Variants in PPOX observed in about 807,000 individuals in gnomAD.
PPOX encodes protoporphyrinogen oxidase.
PPOX carries 23 observed loss-of-function variants against 54.1 expected under a neutral mutation model. The observed-to-expected ratio is 0.43, with a 90% confidence interval of 0.31 to 0.60. The LOEUF (loss-of-function observed/expected upper bound fraction) is 0.60. Ranked by LOEUF, PPOX falls within the 20% of genes least tolerant of loss-of-function variation. The probability of loss-of-function intolerance (pLI) is 0.13; values close to 1 mark genes in which losing one functional copy is unlikely to be tolerated. For synonymous variants in PPOX, 224 were observed against 236.1 expected (o/e 0.95, Z 0.47); for missense variants, 512 against 601.1 (o/e 0.85, Z 1.55).
At chr1:161,172,131 G>A (rs567814897), downstream of PPOX, 294 of 1,612,814 alleles carry the variant, frequency 1.8e-4, 2 homozygotes, top group South Asian at 2.9e-3. Context: ...GAAAGGAACA[G>A]CCAGAAATCT....
intron 2 of PPOX, 40 bp downstream of exon 2, chr1:161,166,974 G>T (rs745435689): frequency 6.2e-7 from 1 of 1,611,796 alleles, no homozygotes; most frequent in South Asian, 1.1e-5. Context: ...TTCATTTAAT[G>T]CTCTTCCCAT....
In PPOX at chr1:161,167,095, G is replaced by C. The variant is rs1465103103; in HGVS notation, c.88-5G>C. The C allele has an allele frequency of 1.9e-6, 3 of 1,614,038 alleles. No homozygotes were observed. In the South Asian group the frequency reaches 3.3e-5, roughly 18 times the overall value. On this transcript the variant is annotated splice_polypyrimidine_tract_variant and splice_region_variant and intron_variant, in intron 2 of 12. Transcript: ENST00000367999. ...TGCTGCAGTGTCTCTCCCTCTTGTC[G>C]CCAGGTGGTCCTAGTGGAGAGCAGT... is the stretch of plus-strand genomic sequence containing the variant.
rs371241187 is a variant in PPOX, at chr1:161,171,059, T to G, written c.1317T>G (p.Ala439=). The G allele has an allele frequency of 6.8e-5, 109 of 1,614,084 alleles. No individual in the cohort carries two copies. The highest frequency in any genetic ancestry group is 8.4e-5 in the Non-Finnish European group (99 of 1,180,048). ...KLESARQFLT[A]HRLPLTLAGA... ...AGTCAGCTAGGCAATTCCTGACTGCTCACAGGTTGCCCCTGACTCTGGCTG... is the reference window on the plus strand; with the variant it reads ...AGTCAGCTAGGCAATTCCTGACTGCGCACAGGTTGCCCCTGACTCTGGCTG... The change falls in exon 13 of 13, where the codon GCT becomes GCG. Residue 439 remains alanine, a synonymous_variant. Transcript: ENST00000367999.
At chr1:161,172,456 G>A (rs764980240), downstream of PPOX, 11 of 780,622 alleles carry the variant, frequency 1.4e-5, no homozygotes, top group Middle Eastern at 3.8e-4. Flanking sequence ...AAAAGCCCAG[G>A]ACAGAAGTCA....
rs1377827013 is a variant in PPOX, at chr1:161,166,486, G to A, written c.-195G>A. The A allele has an allele frequency of 3.9e-6, 5 of 1,274,122 alleles. No individual in the cohort carries two copies. The Admixed American group carries it at 1.3e-4, about 34-fold the overall frequency. 78.9% of individuals were successfully genotyped at this position (1,274,122 alleles called of 1,614,324 possible). On this transcript the variant is annotated 5_prime_UTR_variant, in exon 1 of 13. Transcript: ENST00000367999. ...TGGGAGTAGCGGATTTGAAGCACTT[G>A]TTGGCCTACAGAGGTGTGGCAAGCA... is the stretch of plus-strand genomic sequence containing the variant.
At chr1:161,167,938 C>T in intron 4 of PPOX, 57 bp from the exon 5 acceptor site, 9 of 1,613,254 alleles carry the variant, frequency 5.6e-6, no homozygotes, top group Non-Finnish European at 6.8e-6. Context: ...ACCCCAGCGC[C>T]TGGAGCTGGG....
chr1:161,167,560 T>G (rs79178480), intron 4 of PPOX, 74 bp downstream of exon 4: 1 of 836,166 alleles, frequency 1.2e-6, no homozygotes, highest in Non-Finnish European at 1.6e-6. Flanking sequence ...TTCTTTTCTT[T>G]TTTTTTTTTT....
chr1:161,173,918 A>G (rs1265833564), downstream of PPOX: 3 of 1,614,058 alleles, frequency 1.9e-6, no homozygotes, highest in Non-Finnish European at 2.5e-6. Flanking sequence ...GGTCACACAC[A>G]TACAGATTGT....
At chr1:161,172,509 T>G (rs117585611), downstream of PPOX, 1,330 of 609,876 alleles carry the variant, frequency 2.2e-3, 27 homozygotes, top group East Asian at 0.033. Flanking sequence ...AAAAGCTGGA[T>G]GTATCCAAAT....
rs758586683 is a variant in PPOX, at chr1:161,170,397, CCTT to C, written c.988-9_988-7del. The C allele has an allele frequency of 2.4e-5, 34 of 1,440,334 alleles. No individual in the cohort carries two copies. The East Asian group carries it at 5.0e-4, about 21-fold the overall frequency. The allele number at this position is 1,440,334 out of a possible 1,614,324, so 89.2% of individuals were successfully genotyped here. ...CCCTTTCCTTCTGACGCATGAATGT[CCTT>C]CTCTCCAGGGATTTGGACATTTGGT... On this transcript the variant is annotated splice_polypyrimidine_tract_variant and intron_variant, in intron 9 of 12. Coordinates refer to ENST00000367999, the MANE Select transcript of PPOX (RefSeq NM_001122764.3).
chr1:161,168,254 C>A, intron 5 of PPOX, 127 bp downstream of exon 5: 2 of 1,546,162 alleles, frequency 1.3e-6, no homozygotes, highest in Non-Finnish European at 1.8e-6. Flanking sequence ...CATACCCCAC[C>A]CCCTCATAAT....
At chr1:161,168,805 A>G (rs1195956241) in intron 6 of PPOX, among the ~76,000 whole-genome samples, 188 bp from the exon 7 acceptor site, 2 of 152,036 alleles carry the variant, frequency 1.3e-5, no homozygotes, top group African/African-American at 4.8e-5. Context: ...TGGGATTACA[A>G]ACATGTGCCA....
chr1:161,176,488 G>C (rs937842045), intron 4 of PPOX: 1 of 380,858 alleles, frequency 2.6e-6, no homozygotes, highest in Non-Finnish European at 4.8e-6. Context: ...GTCCCGGGGG[G>C]ACAGAGATGT....
chr1:161,167,411 G>T lies in PPOX; in HGVS notation c.263G>T (p.Arg88Leu), dbSNP rs943768360. ...TTGGATTCAGAAGTGCTGCCTGTCC[G>T]GGGAGACCACCCAGCTGCCCAGAAC... ...LGLDSEVLPV[R>L]GDHPAAQNRF... is the part of the protein sequence containing the mutation. The change falls in exon 4 of 13, where the codon CGG becomes CTG. Residue 88 changes from arginine to leucine, a missense_variant. By Grantham distance (102) the Arg-to-Leu change is moderately radical. Transcript: ENST00000367999. The T allele has an allele frequency of 2.0e-5, 32 of 1,613,730 alleles. No homozygotes were observed. The highest frequency in any genetic ancestry group is 2.5e-5 in the Non-Finnish European group (29 of 1,179,996).
chr1:161,166,858 C>T lies in PPOX; in HGVS notation c.11C>T (p.Thr4Ile). 1 of 1,613,712 alleles carries T rather than the reference C, an allele frequency of 6.2e-7. No individual in the cohort carries two copies. Among genetic ancestry groups the T allele is most frequent in the Non-Finnish European group, 8.5e-7 (1 of 1,180,040 alleles). The change falls in exon 2 of 13, where the codon ACC becomes ATC. Residue 4 changes from threonine (T) to isoleucine (I), a missense_variant. Transcript: ENST00000367999. The stretch of plus-strand genomic sequence containing the variant: ...CCCCCAGGTTTCCGCATGGGCCGGA[C>T]CGTGGTCGTGCTGGGCGGAGGCATC... Reference protein sequence around the residue: MGRTVVVLGGGISG... With the variant: MGRIVVVLGGGISG...
chr1:161,174,039 C>G, downstream of PPOX: 1 of 1,613,372 alleles, frequency 6.2e-7, no homozygotes, highest in Non-Finnish European at 8.5e-7. Flanking sequence ...GTTAAATGTT[C>G]CATTTCCAGC....
downstream of PPOX, chr1:161,172,278 T>C (rs1661731342): frequency 1.9e-6 from 3 of 1,613,978 alleles, no homozygotes; most frequent in East Asian, 2.2e-5. Flanking sequence ...CACCATCTTA[T>C]AGTGTCCTAC....
chr1:161,177,411 C>A, downstream of PPOX: 1 of 254,164 alleles, frequency 3.9e-6, no homozygotes, highest in African/African-American at 2.2e-5. Flanking sequence ...GACGCATTCC[C>A]AGCGCACATA....
chr1:161,170,890 C>G lies in PPOX; in HGVS notation c.1249-17C>G. Reference sequence around the variant, plus strand: ...TCAATAATAAACTTTTCCCTGCATCCTCTCCTCTCTTCTCAGAACTGCATT... The same window carrying G: ...TCAATAATAAACTTTTCCCTGCATCGTCTCCTCTCTTCTCAGAACTGCATT... On this transcript the variant is annotated splice_polypyrimidine_tract_variant and intron_variant, in intron 11 of 12. Transcript: ENST00000367999. 6.2e-7 allele frequency: 1 copy of G among 1,614,074 alleles called. No homozygotes were observed. Among genetic ancestry groups the G allele is most frequent in the Non-Finnish European group, 8.5e-7 (1 of 1,180,006 alleles).
Sources: gnomAD v4.1 joint callset for allele counts (sites outside exome capture counted in the v4.1 genomes callset) on GRCh38, gnomAD v4.1.1 for gene constraint, MANE v1.5 for transcripts, NCBI Gene and HGNC (gene_info 2026-07-23, HGNC 2026-07-21) for gene names.